The following SPAG16 variants were observed in gnomAD, a reference collection of about 807,000 sequenced individuals.
SPAG16 encodes sperm-associated antigen 16 protein.
Under a neutral mutation model 80.4 loss-of-function variants are expected in SPAG16, and 86 were observed. The ratio of observed to expected loss-of-function variants is 1.07; its 90% CI spans 0.90 to 1.28. SPAG16 has a LOEUF of 1.28. SPAG16 is among the 50% of genes most tolerant of loss of function. The pLI is 0.00. For missense variants in SPAG16, 870 were observed against 765.3 expected (o/e 1.14, Z -1.61); for synonymous variants, 294 against 265.9 (o/e 1.11, Z -1.03).
chr2:213,518,519 T>C (rs973657159), intron 10 of SPAG16, among the ~76,000 whole-genome samples: 2 of 152,066 alleles, frequency 1.3e-5, no homozygotes, highest in Non-Finnish European at 2.9e-5. Flanking sequence ...CCTCCTGAAG[T>C]GCTGGGATTA....
intron 10 of SPAG16, among the ~76,000 whole-genome samples, chr2:213,819,384 TTA>T (rs1207958489): frequency 6.6e-6 from 1 of 152,236 alleles, no homozygotes; most frequent in African/African-American, 2.4e-5. Flanking sequence ...AGCCAACATT[TTA>T]TGTGTCCATT....
intron 12 of SPAG16, among the ~76,000 whole-genome samples, chr2:214,012,272 AT>A (rs2047323889): frequency 2.4e-5 from 1 of 41,598 alleles, no homozygotes; most frequent in African/African-American, 9.1e-5. Flanking sequence ...ATATATATAT[AT>A]ATATATATAT....
intron 12 of SPAG16, among the ~76,000 whole-genome samples, chr2:214,002,365 G>A (rs1033404081): frequency 3.9e-5 from 6 of 151,980 alleles, no homozygotes; most frequent in African/African-American, 1.2e-4. Context: ...CAATAAATAA[G>A]GCAAGGGGAA....
At chr2:213,940,878 A>G (rs1439602602) in intron 12 of SPAG16, among the ~76,000 whole-genome samples, 2 of 152,168 alleles carry the variant, frequency 1.3e-5, no homozygotes. Flanking sequence ...TAAACAGGCT[A>G]CATTATGTTT....
At chr2:213,926,336 C>G (rs1273700369) in intron 11 of SPAG16, among the ~76,000 whole-genome samples, 1 of 152,036 alleles carries the variant, frequency 6.6e-6, no homozygotes, top group Admixed American at 6.5e-5. Context: ...GTGCACCCAT[C>G]ACCCAAGCAG....
intron 15 of SPAG16, among the ~76,000 whole-genome samples, chr2:214,376,769 C>CT (rs1408083880): frequency 6.6e-6 from 1 of 152,126 alleles, no homozygotes; most frequent in East Asian, 1.9e-4. Context: ...ATCTTTGTAA[C>CT]TGAGATGCTT....
chr2:214,252,257 CT>C (rs540247883), intron 15 of SPAG16, among the ~76,000 whole-genome samples: 4 of 151,610 alleles, frequency 2.6e-5, no homozygotes, highest in East Asian at 3.9e-4. Flanking sequence ...AGAAATATTC[CT>C]TTTTTTTAAT....
chr2:214,094,397 C>G (rs1990837), intron 13 of SPAG16, among the ~76,000 whole-genome samples: 23,181 of 152,014 alleles, frequency 0.15, 1,799 homozygotes, highest in East Asian at 0.16. Flanking sequence ...ACATGGCATG[C>G]TAATTAAAAT....
intron 15 of SPAG16, among the ~76,000 whole-genome samples, chr2:214,172,911 G>A (rs1236539004): frequency 6.6e-6 from 1 of 152,138 alleles, no homozygotes; most frequent in Non-Finnish European, 1.5e-5. Flanking sequence ...TTTGAGAAGT[G>A]TCTGTTCATG....
chr2:213,404,892 G>T (rs1208932670), intron 9 of SPAG16, among the ~76,000 whole-genome samples: 1 of 151,684 alleles, frequency 6.6e-6, no homozygotes, highest in Non-Finnish European at 1.5e-5. Context: ...TTATTTGTGT[G>T]TATACTTTTT....
intron 10 of SPAG16, among the ~76,000 whole-genome samples, chr2:213,744,430 A>G (rs2067721958): frequency 6.6e-6 from 1 of 152,114 alleles, no homozygotes; most frequent in Non-Finnish European, 1.5e-5. Context: ...GAGCTCTCCA[A>G]GCTTGGCAGT....
intron 6 of SPAG16, among the ~76,000 whole-genome samples, chr2:213,341,821 A>T (rs2064701837): frequency 6.6e-6 from 1 of 152,144 alleles, no homozygotes; most frequent in African/African-American, 2.4e-5. Flanking sequence ...AATTACAGGC[A>T]TGAGTGACCA....
intron 15 of SPAG16, among the ~76,000 whole-genome samples, chr2:214,209,503 A>G (rs942466184): frequency 6.6e-6 from 1 of 152,222 alleles, no homozygotes; most frequent in African/African-American, 2.4e-5. Flanking sequence ...ACAAAAAGCC[A>G]CAAAGAAATA....
At chr2:213,509,696 A>G (rs1271336300) in intron 10 of SPAG16, among the ~76,000 whole-genome samples, 1 of 152,206 alleles carries the variant, frequency 6.6e-6, no homozygotes, top group Non-Finnish European at 1.5e-5. Context: ...ATAGCACTAA[A>G]TGCCCACAAG....
At chr2:214,206,180 A>G (rs1431398030) in intron 15 of SPAG16, among the ~76,000 whole-genome samples, 2 of 147,960 alleles carry the variant, frequency 1.4e-5, no homozygotes, top group African/African-American at 2.4e-5. Context: ...CTCTGTCTCA[A>G]AAAATATATA....
intron 10 of SPAG16, among the ~76,000 whole-genome samples, chr2:213,828,639 T>A (rs2125710975): frequency 6.6e-6 from 1 of 152,312 alleles, no homozygotes; most frequent in South Asian, 2.1e-4. Flanking sequence ...TTTCACAGTC[T>A]GGGTTGGTTT....
intron 14 of SPAG16, among the ~76,000 whole-genome samples, chr2:214,148,024 G>A (rs1182834315): frequency 6.6e-6 from 1 of 152,144 alleles, no homozygotes; most frequent in Non-Finnish European, 1.5e-5. Context: ...TGAGAGGATA[G>A]TTTTTAAGTT....
At chr2:213,801,071 T>C (rs1303770524) in intron 10 of SPAG16, among the ~76,000 whole-genome samples, 3 of 152,162 alleles carry the variant, frequency 2.0e-5, no homozygotes, top group Admixed American at 1.3e-4. Flanking sequence ...ATTATTGAAA[T>C]GTATATGGAT....
At chr2:214,028,855 T>C (rs1474434557) in intron 13 of SPAG16, among the ~76,000 whole-genome samples, 1 of 152,126 alleles carries the variant, frequency 6.6e-6, no homozygotes, top group Non-Finnish European at 1.5e-5. Context: ...GGCCCAAATC[T>C]TTACTATTGA....
Sources: gnomAD v4.1 joint callset for allele counts (sites outside exome capture counted in the v4.1 genomes callset) on GRCh38, gnomAD v4.1.1 for gene constraint, MANE v1.5 for transcripts, NCBI Gene and HGNC (gene_info 2026-07-23, HGNC 2026-07-21) for gene names.